USP19: variants seen among roughly 807,000 people sequenced by gnomAD.
USP19 encodes the protein ubiquitin specific peptidase 19.
USP19 carries 40 observed loss-of-function variants against 144.8 expected under a neutral mutation model. The ratio of observed to expected loss-of-function variants is 0.28; its 90% CI spans 0.21 to 0.36. The LOEUF (loss-of-function observed/expected upper bound fraction) is 0.36, where lower values mean the gene tolerates loss of function less well. USP19 is among the 10% of genes least tolerant of loss of function. USP19 has a pLI of 1.00. For missense variants in USP19, 1,518 were observed against 1,822.5 expected (o/e 0.83, Z 3.04); for synonymous variants, 701 against 709.3 (o/e 0.99, Z 0.19).
At position 49,116,119 on chromosome 3, in the gene USP19, A is replaced by T; in HGVS notation, c.1399T>A (p.Ser467Thr). ...PEQCTFCFTASRIDICLRKRQ... is the reference protein window; with the variant it reads ...PEQCTFCFTATRIDICLRKRQ... ...TTACGAAGGCAGATGTCGATGCGAGAAGCCGTGAAACAGAAGGTGCACTGC... is the reference window on the plus strand; with the variant it reads ...TTACGAAGGCAGATGTCGATGCGAGTAGCCGTGAAACAGAAGGTGCACTGC... Residue 467 changes from serine (S) to threonine (T), a missense_variant, in exon 10 of 27, where the codon TCT becomes ACT. By Grantham distance (58) the Ser-to-Thr change is moderately conservative. Around this residue, in one of 5 missense-constraint regions of USP19, gnomAD observed 707 missense variants for 728.9 expected, o/e 0.97. Transcript: ENST00000417901. The surrounding 1 kb of genome is among the most constrained non-coding windows in gnomAD (Gnocchi z 5.0). The T allele has an allele frequency of 6.2e-7, 1 of 1,613,366 alleles. No homozygotes were observed. Among genetic ancestry groups the T allele is most frequent in the Non-Finnish European group, 8.5e-7 (1 of 1,179,824 alleles).
Position 49,114,633 on chromosome 3 carries a change from G to A in USP19, c.2292+130C>T. The A allele has an allele frequency of 1.0e-6, 1 of 968,148 alleles. No individual in the cohort carries two copies. Among genetic ancestry groups the A allele is most frequent in the Non-Finnish European group, 1.6e-6 (1 of 643,956 alleles). The allele number at this position is 968,148 out of a possible 1,614,324, so 60.0% of individuals were successfully genotyped here. A position where few individuals can be genotyped will look rare whatever the true frequency, so the allele number is the denominator to read the frequency against. The stretch of plus-strand genomic sequence containing the variant: ...CTCTTCAGCCCAAATAGAATCCTAA[G>A]GCCTCCCTGCCAGCTTCTTTGCCCA... On this transcript the variant is annotated intron_variant, in intron 15 of 26. Coordinates refer to ENST00000417901, the MANE Select transcript of USP19 (RefSeq NM_001199161.2). This position sits in a 1 kb window ranked among gnomAD's most constrained non-coding sequence, Gnocchi z 4.5.
intron 2 of USP19, 48 bp from the exon 3 acceptor site, chr3:49,118,168 G>T: frequency 1.3e-6 from 1 of 756,214 alleles, no homozygotes; most frequent in Non-Finnish European, 2.1e-6. Flanking sequence ...AGGAGGCTGA[G>T]GTAGGAGGAC....
intron 17 of USP19, 58 bp downstream of exon 17, chr3:49,113,934 T>C: frequency 6.4e-7 from 1 of 1,552,986 alleles, no homozygotes. Context: ...TACACACGTC[T>C]GTGGTGAGTA....
At position 49,112,596 on chromosome 3, in the gene USP19, G is replaced by C; in HGVS notation, c.2539C>G (p.Pro847Ala). The change falls in exon 18 of 27, where the codon CCC becomes GCC. Residue 847 changes from proline to alanine, a missense_variant. By Grantham distance (27) the Pro-to-Ala change is conservative (BLOSUM62 -1). This residue lies in a region of USP19 where 413 missense variants were observed against 515.8 expected (regional missense o/e 0.80). Coordinates refer to ENST00000417901, the MANE Select transcript of USP19 (RefSeq NM_001199161.2). This position sits in a 1 kb window ranked among gnomAD's most constrained non-coding sequence, Gnocchi z 4.9. ...GACACAGTGTCCAGTGAGTGGGAGG[G>C]TAGGAACACACGATGAAAACGATTC... ...IKNRFHRVFL[P>A]SHSLDTVSPS... 1 of 1,613,956 alleles carries C rather than the reference G, an allele frequency of 6.2e-7. No homozygotes were observed. The highest frequency in any genetic ancestry group is 8.5e-7 in the Non-Finnish European group (1 of 1,179,892).
Position 49,117,824 on chromosome 3 carries a change from C to A in USP19, c.305G>T (p.Cys102Phe), listed in dbSNP as rs1362812533. Residue 102 changes from cysteine to phenylalanine, a missense_variant, in exon 4 of 27, where the codon TGT becomes TTT. By Grantham distance (205) the Cys-to-Phe change is radical (BLOSUM62 -2). Transcript: ENST00000417901. The surrounding 1 kb of genome is among the most constrained non-coding windows in gnomAD (Gnocchi z 4.4). ...AGCCAAGAGATCATGAGGGTCTTCA[C>A]AAGCTCCTGATGGTGATAAGCAGGT... ...PQEEQTKEGA[C>F]EDPHDLLATP... is the part of the protein sequence containing the mutation. The A allele has an allele frequency of 6.2e-7, 1 of 1,614,186 alleles. No individual in the cohort carries two copies. The highest frequency in any genetic ancestry group is 1.1e-5 in the South Asian group (1 of 91,088).
chr3:49,113,943 T>TAC, intron 17 of USP19, 49 bp downstream of exon 17: 1 of 1,579,254 alleles, frequency 6.3e-7, no homozygotes, highest in Non-Finnish European at 8.7e-7. Context: ...CTGTGGTGAG[T>TAC]ACACACACAC....
In USP19 at chr3:49,111,155, G is replaced by T. The variant is rs1182582041; in HGVS notation, c.3340C>A (p.Leu1114Met). 4.3e-6 allele frequency: 7 copies of T among 1,613,748 alleles called. No individual in the cohort carries two copies. Among genetic ancestry groups the T allele is most frequent in the Non-Finnish European group, 5.9e-6 (7 of 1,180,042 alleles). Residue 1114 changes from leucine to methionine, a missense_variant, in exon 23 of 27, where the codon CTG becomes ATG. Leu to Met is a conservative substitution (Grantham distance 15). Coordinates refer to ENST00000417901, the MANE Select transcript of USP19 (RefSeq NM_001199161.2). The surrounding 1 kb of genome is among the most constrained non-coding windows in gnomAD (Gnocchi z 5.9). ...AGGCTACAGTCGTCACCCAGCTCCA[G>T]TGGGGTGTCTCCTGGAGATTCGCAG... ...QRLEDKGDTP[L>M]ELGDDCSLAL...
rs1277350325 is a variant in USP19 at position 49,110,124 on chromosome 3, A to G, written c.4038+60T>C. 3 of 1,450,052 alleles carry G rather than the reference A, an allele frequency of 2.1e-6. No individual in the cohort carries two copies. Among genetic ancestry groups the G allele is most frequent in the Non-Finnish European group, 2.7e-6 (3 of 1,104,964 alleles). 89.8% of individuals were successfully genotyped at this position (1,450,052 alleles called of 1,614,324 possible). On this transcript the variant is annotated intron_variant, in intron 26 of 26. Transcript: ENST00000417901. The surrounding 1 kb of genome is among the most constrained non-coding windows in gnomAD (Gnocchi z 6.1). ...GGAGGAGAGGAAGCTATATCCCCCA[A>G]CCCGGCCCCAGTCTGTGAACTGTCC... is the stretch of plus-strand genomic sequence containing the variant.
chr3:49,116,021 G>A lies in USP19; in HGVS notation c.1471+26C>T. On this transcript the variant is annotated intron_variant, in intron 10 of 26. Transcript: ENST00000417901. The surrounding 1 kb of genome is among the most constrained non-coding windows in gnomAD (Gnocchi z 5.0). ...TTGGGTCCTGGTCACGTGGAACTGG[G>A]CAATGAAGGGAGCTCGTGTGCAGAC... is the stretch of plus-strand genomic sequence containing the variant. 6.3e-7 allele frequency: 1 copy of A among 1,584,028 alleles called. No homozygotes were observed. Among genetic ancestry groups the A allele is most frequent in the Non-Finnish European group, 8.6e-7 (1 of 1,169,326 alleles).
In USP19 at chr3:49,110,317, C is replaced by A; in HGVS notation, c.3905G>T (p.Ser1302Ile). The A allele has an allele frequency of 6.2e-7, 1 of 1,604,680 alleles. No individual in the cohort carries two copies. The highest frequency in any genetic ancestry group is 1.7e-5 in the Admixed American group (1 of 59,340). The change falls in exon 26 of 27, where the codon AGC becomes ATC. Residue 1302 changes from serine (S) to isoleucine (I), a missense_variant. Physicochemically the swap from Ser to Ile is moderately radical, Grantham distance 142. Coordinates refer to ENST00000417901, the MANE Select transcript of USP19 (RefSeq NM_001199161.2). This position sits in a 1 kb window ranked among gnomAD's most constrained non-coding sequence, Gnocchi z 6.1. ...DDSTVTTVDE[S>I]QVVTRYAYVL... ...ATAGGCATAACGCGTCACAACCTGG[C>A]TCTCGTCTACCGTTGTCACTGTGCT...
Position 49,118,054 on chromosome 3 carries a change from G to T in USP19, c.191C>A (p.Ser64Ter). 6.3e-7 allele frequency: 1 copy of T among 1,590,528 alleles called. No homozygotes were observed. The highest frequency in any genetic ancestry group is 1.1e-5 in the South Asian group (1 of 88,138). Residue 64 changes from serine to a stop codon, truncating the protein, a stop_gained, in exon 3 of 27, where the codon TCA becomes TAA. Transcript: ENST00000417901. LOFTEE classifies it high-confidence loss of function. ...EPLASGDPSA[S>*]ASHAAGITGS... Reference sequence around the variant, plus strand: ...TGTGATCCCAGCTGCATGGGAGGCTGAGGCAGAAGGATCACCTGAGGCCAG... The same window carrying T: ...TGTGATCCCAGCTGCATGGGAGGCTTAGGCAGAAGGATCACCTGAGGCCAG...
chr3:49,117,025 T>A lies in USP19; in HGVS notation c.909+34A>T, dbSNP rs1194669626. 1 of 1,530,924 alleles carries A rather than the reference T, an allele frequency of 6.5e-7. No individual in the cohort carries two copies. The highest frequency in any genetic ancestry group is 8.8e-7 in the Non-Finnish European group (1 of 1,135,254). 94.8% of individuals were successfully genotyped at this position (1,530,924 alleles called of 1,614,324 possible). Reference sequence around the variant, plus strand: ...CTCCAGTGCACACCCTTTCCCCCCATCTCCTAACACCCAAACAGGTGCCCA... The same window carrying A: ...CTCCAGTGCACACCCTTTCCCCCCAACTCCTAACACCCAAACAGGTGCCCA... On this transcript the variant is annotated intron_variant, in intron 6 of 26. Coordinates refer to ENST00000417901, the MANE Select transcript of USP19 (RefSeq NM_001199161.2). The surrounding 1 kb of genome is among the most constrained non-coding windows in gnomAD (Gnocchi z 4.4).
Position 49,110,760 on chromosome 3 carries a change from T to C in USP19, c.3649A>G (p.Ser1217Gly), listed in dbSNP as rs1559991099. 6.2e-7 allele frequency: 1 copy of C among 1,614,064 alleles called. No homozygotes were observed. The highest frequency in any genetic ancestry group is 8.5e-7 in the Non-Finnish European group (1 of 1,180,022). ...IVQLKRFSFR[S>G]FIWRDKINDL... ...TTGATCTTGTCACGCCAGATAAAAC[T>C]ACGAAAGGAGAAGCGCTTGAGCTGC... The change falls in exon 24 of 27, where the codon AGT (serine) becomes GGT (glycine). Residue 1217 changes from serine (S) to glycine (G), a missense_variant. Transcript: ENST00000417901. The surrounding 1 kb of genome is among the most constrained non-coding windows in gnomAD (Gnocchi z 6.1).
In USP19 at chr3:49,112,304, G is replaced by A. The variant is rs1290351390; in HGVS notation, c.2745C>T (p.Tyr915=). Residue 915 remains tyrosine, a synonymous_variant, in exon 19 of 27, where the codon TAC becomes TAT. Transcript: ENST00000417901. The surrounding 1 kb of genome is among the most constrained non-coding windows in gnomAD (Gnocchi z 4.9). ...DEKLKRCTRC[Y]RVGYCNQLCQ... is the part of the protein sequence containing the mutation. Reference sequence around the variant, plus strand: ...CTCACTGGTTGCAGTAGCCCACACGGTAGCACCGGGTACAGCGCTTCAGCT... The same window carrying A: ...CTCACTGGTTGCAGTAGCCCACACGATAGCACCGGGTACAGCGCTTCAGCT... The A allele has an allele frequency of 6.2e-7, 1 of 1,611,948 alleles. No homozygotes were observed.
rs891652134 is a variant in USP19 at position 49,117,125 on chromosome 3, G to A, written c.843C>T (p.Asp281=). 4.5e-5 allele frequency: 70 copies of A among 1,542,970 alleles called. No homozygotes were observed. Among genetic ancestry groups the A allele is most frequent in the Middle Eastern group, 1.7e-4 (1 of 5,988 alleles). ...AVHLCRGPEG[D]GSRDDPGPRG... is the part of the protein sequence containing the mutation. ...GGGGTCCAGGGTCATCCCTGGACCC[G>A]TCCCCCTCTGGCCCTCTGCAGAGAT... is the stretch of plus-strand genomic sequence containing the variant. Residue 281 remains aspartate, a synonymous_variant, in exon 6 of 27, where the codon GAC becomes GAT. Transcript: ENST00000417901. This position sits in a 1 kb window ranked among gnomAD's most constrained non-coding sequence, Gnocchi z 4.4.
chr3:49,118,083 T>C lies in USP19; in HGVS notation c.162A>G (p.Glu54=). 1 of 1,526,326 alleles carries C rather than the reference T, an allele frequency of 6.6e-7. No individual in the cohort carries two copies. The highest frequency in any genetic ancestry group is 1.9e-5 in the Admixed American group (1 of 51,510). 94.5% of individuals were successfully genotyped at this position (1,526,326 alleles called of 1,614,324 possible). ...GSRYVAQAGL[E]PLASGDPSAS... ...CAGAAGGATCACCTGAGGCCAGAGG[T>C]TCAAGACCAGCCTGGGCAACATATC... The change falls in exon 3 of 27, where the codon GAA becomes GAG. Residue 54 remains glutamate (E), a synonymous_variant. Coordinates refer to ENST00000417901, the MANE Select transcript of USP19 (RefSeq NM_001199161.2).
chr3:49,113,852 A>T (rs1427943550), intron 17 of USP19, 140 bp downstream of exon 17: 3 of 903,734 alleles, frequency 3.3e-6, no homozygotes, highest in Non-Finnish European at 5.0e-6. Flanking sequence ...CCTCGGCCTC[A>T]CAAAGTGCTG....
rs2042692599 is a variant in USP19, at chr3:49,108,744, G to A, written c.4039-216C>T. The stretch of plus-strand genomic sequence containing the variant: ...GTAGCTTGGGCAGGGCCAAGCCTGA[G>A]GCCAAGGGTCAGAGCAGCAGGATGA... On this transcript the variant is annotated intron_variant, in intron 26 of 26. Coordinates refer to ENST00000417901, the MANE Select transcript of USP19 (RefSeq NM_001199161.2). This position sits in a 1 kb window ranked among gnomAD's most constrained non-coding sequence, Gnocchi z 4.8. The A allele has an allele frequency of 1.4e-6, 2 of 1,381,834 alleles. No homozygotes were observed. The highest frequency in any genetic ancestry group is 2.9e-5 in the African/African-American group (2 of 68,384). 85.6% of individuals were successfully genotyped at this position (1,381,834 alleles called of 1,614,324 possible).
In USP19 at chr3:49,116,258, G is replaced by A; in HGVS notation, c.1355+22C>T. On this transcript the variant is annotated intron_variant, in intron 9 of 26. Transcript: ENST00000417901. This position sits in a 1 kb window ranked among gnomAD's most constrained non-coding sequence, Gnocchi z 5.0. ...GCCCACGGGGTAGGACAGGCACAGTGGTGGGGCCGGGCACCACCCACCTGA... is the reference window on the plus strand; with the variant it reads ...GCCCACGGGGTAGGACAGGCACAGTAGTGGGGCCGGGCACCACCCACCTGA... 6.2e-7 allele frequency: 1 copy of A among 1,613,562 alleles called. No individual in the cohort carries two copies.
Sources: gnomAD v4.1 joint callset for allele counts on GRCh38, gnomAD v4.1.1 for gene constraint, gnomAD v4.1.1 regional missense constraint, Gnocchi (gnomAD v3.1) non-coding constraint, MANE v1.5 for transcripts, NCBI Gene and HGNC (gene_info 2026-07-23, HGNC 2026-07-21) for gene names.